Variants in DKKL1 observed in about 807,000 individuals in gnomAD.
DKKL1 encodes dickkopf-like protein 1.
Under a neutral mutation model 16.5 loss-of-function variants are expected in DKKL1, and 11 were observed. That is an observed-to-expected ratio of 0.67 (90% CI 0.42 to 1.10). DKKL1 has a LOEUF of 1.10. Among genes scored for constraint, DKKL1 ranks in the 50% least tolerant of loss-of-function variants. DKKL1 has a pLI of 0.00. For synonymous variants in DKKL1, 119 were observed against 133.2 expected, an observed-to-expected ratio of 0.89 and a Z score of 0.73; for missense variants, 320 against 308.1, an observed-to-expected ratio of 1.04 and a Z score of -0.29.
At chr19:49,370,718 CCAA>C (rs978688550) in intron 4 of DKKL1, 1 of 152,100 alleles carries the variant, frequency 6.6e-6, no homozygotes, top group East Asian at 1.9e-4. Context: ...AAAGAATTTG[CCAA>C]CAACATCAAG....
chr19:49,369,474 A>G (rs776238215), intron 4 of DKKL1: 3 of 152,108 alleles, frequency 2.0e-5, no homozygotes, highest in Non-Finnish European at 4.4e-5. Flanking sequence ...TTTTCTTAAA[A>G]TAGTACAACA....
At chr19:49,363,551 G>A (rs1973101344), upstream of DKKL1, 1 of 324,938 alleles carries the variant, frequency 3.1e-6, no homozygotes, top group Non-Finnish European at 6.0e-6. Context: ...GTGGCTTTCA[G>A]CCAAGGGGCG....
At chr19:49,364,094 A>C (rs1973142230) in intron 1 of DKKL1, 86 bp downstream of exon 1, 5 of 1,563,002 alleles carry the variant, frequency 3.2e-6, no homozygotes, top group Admixed American at 1.8e-5. Flanking sequence ...TTACGCCTGC[A>C]ATCCCAACAC....
At chr19:49,365,464 G>A (rs2146766119) in intron 2 of DKKL1, 45 bp from the exon 3 acceptor site, 2 of 1,557,064 alleles carry the variant, frequency 1.3e-6, no homozygotes, top group African/African-American at 2.7e-5. Flanking sequence ...CTGTACTGAG[G>A]AGATGTGAGG....
rs1973175842 is a variant in DKKL1 at position 49,364,568 on chromosome 19, G to GA, written c.11-13dup. The GA allele has an allele frequency of 6.2e-7, 1 of 1,604,272 alleles. No individual in the cohort carries two copies. The highest frequency in any genetic ancestry group is 1.3e-5 in the African/African-American group (1 of 74,792). ...GGCCACTGTGCGGGGCTCTGACCCC[G>GA]ACCCTTGCCACAGCCTCCCCACCTG... On this transcript the variant is annotated splice_polypyrimidine_tract_variant and intron_variant, in intron 1 of 4. Coordinates refer to ENST00000221498, the MANE Select transcript of DKKL1 (RefSeq NM_014419.4).
chr19:49,364,839 G>A (rs988022861), intron 2 of DKKL1, 85 bp downstream of exon 2: 2 of 1,519,498 alleles, frequency 1.3e-6, no homozygotes, highest in South Asian at 2.5e-5. Flanking sequence ...GGCCAGGCAG[G>A]GGGACAGACA....
In DKKL1 at chr19:49,374,770, C is replaced by T. The variant is rs747160629; in HGVS notation, c.471C>T (p.Asp157=). The T allele has an allele frequency of 6.9e-6, 11 of 1,593,856 alleles. No homozygotes were observed. The South Asian group carries it at 1.2e-4, about 18-fold the overall frequency. Residue 157 remains aspartate (D), a synonymous_variant, in exon 5 of 5, where the codon GAC becomes GAT. Transcript: ENST00000221498. ...TGGTACCCATCCAGAAGGCCACGGA[C>T]AGCTTCCACACAGAACTCCATCCCC... ...EALVPIQKAT[D]SFHTELHPRV... is the part of the protein sequence containing the mutation.
chr19:49,374,107 C>T (rs1300864589), intron 4 of DKKL1, among the ~76,000 whole-genome samples: 1 of 152,094 alleles, frequency 6.6e-6, no homozygotes, highest in African/African-American at 2.4e-5. Context: ...GCCTCAGCCT[C>T]CCGAGTAGCT....
Position 49,364,764 on chromosome 19 carries a change from G to A in DKKL1, c.183+10G>A. ...CCGACTTTTCCTGAAAGTAAGCGATGGCGGGGGGATGGGGGAAGAAGTACT... is the reference window on the plus strand; with the variant it reads ...CCGACTTTTCCTGAAAGTAAGCGATAGCGGGGGGATGGGGGAAGAAGTACT... On this transcript the variant is annotated intron_variant, in intron 2 of 4. Coordinates refer to ENST00000221498, the MANE Select transcript of DKKL1 (RefSeq NM_014419.4). 6.2e-7 allele frequency: 1 copy of A among 1,611,092 alleles called. No individual in the cohort carries two copies. The highest frequency in any genetic ancestry group is 8.5e-7 in the Non-Finnish European group (1 of 1,178,408).
At chr19:49,364,557 G>A in intron 1 of DKKL1, 25 bp from the exon 2 acceptor site, 1 of 1,597,390 alleles carries the variant, frequency 6.3e-7, no homozygotes, top group East Asian at 2.2e-5. Context: ...ACTGTGCGGG[G>A]CTCTGACCCC....
rs1178508838 is a variant in DKKL1, at chr19:49,374,718, T to G, written c.419T>G (p.Val140Gly). ...GGTCTCCTTGTTCTTCCTCCCCAGG[T>G]ACCCAGGATGGAGGAGAAGGAGGCC... ...AEGSFEGDLK[V>G]PRMEEKEALV... The change falls in exon 5 of 5, where the codon GTA becomes GGA. Residue 140 changes from valine to glycine, a missense_variant and splice_region_variant. Coordinates refer to ENST00000221498, the MANE Select transcript of DKKL1 (RefSeq NM_014419.4). 6.6e-6 allele frequency: 10 copies of G among 1,520,596 alleles called. No homozygotes were observed. Among genetic ancestry groups the G allele is most frequent in the Non-Finnish European group, 8.8e-6 (10 of 1,133,946 alleles). 94.2% of individuals were successfully genotyped at this position (1,520,596 alleles called of 1,614,324 possible).
At chr19:49,362,103 C>T (rs1484895207), upstream of DKKL1, among the ~76,000 whole-genome samples, 1 of 152,194 alleles carries the variant, frequency 6.6e-6, no homozygotes, top group Non-Finnish European at 1.5e-5. Flanking sequence ...ACGCACGCCC[C>T]ACACCCCGCC....
chr19:49,373,679 A>G (rs1444835151), intron 4 of DKKL1, among the ~76,000 whole-genome samples: 10 of 152,260 alleles, frequency 6.6e-5, no homozygotes, highest in Middle Eastern at 3.4e-3. Flanking sequence ...CATGCTGTCC[A>G]GGATGGTCTC....
rs778820244 is a variant in DKKL1 at position 49,364,606 on chromosome 19, G to A, written c.35G>A (p.Arg12Gln). ...GCCTCCCCACCTGCCCCCGCAAGGC[G>A]GCATCTGCTGGTCCTGCTGCTGCTC... The part of the protein sequence containing the change: ...GEASPPAPAR[R>Q]HLLVLLLLLS... The change falls in exon 2 of 5, where the codon CGG (arginine) becomes CAG (glutamine). Residue 12 changes from arginine (R) to glutamine (Q), a missense_variant. Transcript: ENST00000221498. 2.8e-5 allele frequency: 45 copies of A among 1,612,538 alleles called. 1 individual carries two copies. The highest frequency in any genetic ancestry group is 4.0e-4 in the Middle Eastern group (2 of 5,044).
At chr19:49,372,835 C>T (rs1973555925) in intron 4 of DKKL1, among the ~76,000 whole-genome samples, 1 of 151,158 alleles carries the variant, frequency 6.6e-6, no homozygotes, top group Admixed American at 6.6e-5. Context: ...AACCCCGTCT[C>T]TACTAAAAAT....
chr19:49,371,377 A>T (rs1973477943), intron 4 of DKKL1, among the ~76,000 whole-genome samples: 1 of 152,168 alleles, frequency 6.6e-6, no homozygotes, highest in Non-Finnish European at 1.5e-5. Flanking sequence ...TTAATTTTTT[A>T]AAAAATATTC....
chr19:49,360,659 G>A (rs1157881393), upstream of DKKL1, among the ~76,000 whole-genome samples: 2 of 151,958 alleles, frequency 1.3e-5, no homozygotes, highest in African/African-American at 4.8e-5. Context: ...CCCAAGAACA[G>A]GTGGTAAGAT....
Position 49,375,101 on chromosome 19 carries a change from T to C in DKKL1, c.*73T>C. ...CCCAAGCACCATATGGAAATAAAGT[T>C]CTTTCTTACATCTAACAACACCATC... On this transcript the variant is annotated 3_prime_UTR_variant, in exon 5 of 5. Coordinates refer to ENST00000221498, the MANE Select transcript of DKKL1 (RefSeq NM_014419.4). 1 of 1,461,024 alleles carries C rather than the reference T, an allele frequency of 6.8e-7. No individual in the cohort carries two copies. Among genetic ancestry groups the C allele is most frequent in the Non-Finnish European group, 9.1e-7 (1 of 1,096,778 alleles). 90.5% of individuals were successfully genotyped at this position (1,461,024 alleles called of 1,614,324 possible).
At chr19:49,363,780 G>C (rs1973116538), upstream of DKKL1, 2 of 636,110 alleles carry the variant, frequency 3.1e-6, no homozygotes, top group Admixed American at 2.3e-5. Flanking sequence ...TCATGGAGTA[G>C]AGGCCCGGGC....
Sources: gnomAD v4.1 joint callset for allele counts (sites outside exome capture counted in the v4.1 genomes callset) on GRCh38, gnomAD v4.1.1 for gene constraint, MANE v1.5 for transcripts, NCBI Gene and HGNC (gene_info 2026-07-23, HGNC 2026-07-21) for gene names.